Variants in STXBP5L observed in about 807,000 individuals in gnomAD.
STXBP5L encodes syntaxin binding protein 5L, also known as syntaxin-binding protein 5-like.
In STXBP5L, 65 loss-of-function variants were observed where a neutral mutation model predicts 144.5. That is an observed-to-expected ratio of 0.45 (90% CI 0.37 to 0.55). The LOEUF (loss-of-function observed/expected upper bound fraction) is 0.55. STXBP5L is among the 20% of genes least tolerant of loss of function. The probability of loss-of-function intolerance (pLI) is 0.00; values close to 1 mark genes in which losing one functional copy is unlikely to be tolerated. For synonymous variants in STXBP5L, 505 were observed against 469.6 expected (o/e 1.08, Z -0.97); for missense variants, 1,298 against 1,405.5 (o/e 0.92, Z 1.22).
intron 5 of STXBP5L, among the ~76,000 whole-genome samples, chr3:121,071,167 A>G (rs1303440457): frequency 1.3e-5 from 2 of 152,208 alleles, no homozygotes; most frequent in Non-Finnish European, 2.9e-5. Flanking sequence ...TATTACTAAT[A>G]TGATTAAGCT....
chr3:121,122,444 T>G (rs1045662962), intron 7 of STXBP5L, among the ~76,000 whole-genome samples: 2 of 151,218 alleles, frequency 1.3e-5, no homozygotes, highest in Non-Finnish European at 3.0e-5. Flanking sequence ...ATTTTAAAAT[T>G]TATTAAGAAA....
chr3:120,990,475 A>G (rs1294994098), intron 3 of STXBP5L, among the ~76,000 whole-genome samples: 5 of 152,136 alleles, frequency 3.3e-5, no homozygotes, highest in African/African-American at 1.2e-4. Flanking sequence ...TTCATATGGA[A>G]CCAAAAAAGA....
chr3:121,258,797 A>T (rs549088357), intron 17 of STXBP5L, among the ~76,000 whole-genome samples: 1 of 152,296 alleles, frequency 6.6e-6, no homozygotes, highest in South Asian at 2.1e-4. Flanking sequence ...AAAAGAAAAA[A>T]TTGAAATGAT....
intron 5 of STXBP5L, among the ~76,000 whole-genome samples, chr3:121,068,776 C>T (rs983609302): frequency 2.0e-5 from 3 of 152,094 alleles, no homozygotes; most frequent in Non-Finnish European, 4.4e-5. Context: ...TTTTTATCCT[C>T]ATTCCTTACT....
chr3:121,280,436 T>C (rs2051019931), intron 19 of STXBP5L, among the ~76,000 whole-genome samples: 1 of 151,898 alleles, frequency 6.6e-6, no homozygotes, highest in Admixed American at 6.6e-5. Flanking sequence ...ATGATGACCT[T>C]CCTGAAGGTA....
At chr3:121,093,185 T>C (rs1417844324) in intron 5 of STXBP5L, among the ~76,000 whole-genome samples, 1 of 152,256 alleles carries the variant, frequency 6.6e-6, no homozygotes, top group Non-Finnish European at 1.5e-5. Flanking sequence ...AGTATTTTAT[T>C]GAGGATTTTT....
intron 9 of STXBP5L, among the ~76,000 whole-genome samples, chr3:121,189,625 C>A (rs1418129980): frequency 6.6e-6 from 1 of 152,156 alleles, no homozygotes; most frequent in Non-Finnish European, 1.5e-5. Context: ...GTTACTGTAG[C>A]CTTGTAGTAT....
chr3:121,304,049 T>C (rs1363300678), intron 19 of STXBP5L, among the ~76,000 whole-genome samples: 1 of 148,798 alleles, frequency 6.7e-6, no homozygotes, highest in Admixed American at 6.7e-5. Flanking sequence ...ACGTTGAAAG[T>C]AAAAGAAGGG....
intron 9 of STXBP5L, among the ~76,000 whole-genome samples, chr3:121,189,488 T>C (rs917292190): frequency 6.6e-6 from 1 of 152,190 alleles, no homozygotes; most frequent in Admixed American, 6.5e-5. Flanking sequence ...AATCCTTTCC[T>C]CATTTCTTGC....
At chr3:121,308,194 C>T (rs1005699044) in intron 19 of STXBP5L, among the ~76,000 whole-genome samples, 1 of 152,166 alleles carries the variant, frequency 6.6e-6, no homozygotes, top group Non-Finnish European at 1.5e-5. Flanking sequence ...TGCAGCAAAC[C>T]ACCGTGGCAA....
intron 5 of STXBP5L, among the ~76,000 whole-genome samples, chr3:121,060,411 A>C (rs542532079): frequency 1.2e-4 from 19 of 152,314 alleles, no homozygotes; most frequent in Non-Finnish European, 2.5e-4. Context: ...GATATTCATC[A>C]GGGATATTGG....
intron 20 of STXBP5L, among the ~76,000 whole-genome samples, chr3:121,366,378 T>A (rs190931780): frequency 7.8e-4 from 118 of 152,164 alleles, no homozygotes; most frequent in Middle Eastern, 3.4e-3. Flanking sequence ...TAGAACTGTA[T>A]ATTTCTATTT....
At chr3:121,206,226 A>G (rs2108232614) in intron 10 of STXBP5L, among the ~76,000 whole-genome samples, 1 of 152,334 alleles carries the variant, frequency 6.6e-6, no homozygotes, top group South Asian at 2.1e-4. Flanking sequence ...ATGAACATTT[A>G]GACAAGTATT....
At chr3:121,135,906 T>A (rs2045233325) in intron 7 of STXBP5L, among the ~76,000 whole-genome samples, 1 of 152,174 alleles carries the variant, frequency 6.6e-6, no homozygotes, top group East Asian at 1.9e-4. Flanking sequence ...CCACTAATCC[T>A]CAGTGGCAGG....
intron 3 of STXBP5L, 74 bp from the exon 4 acceptor site, chr3:121,041,626 A>C: frequency 9.0e-7 from 1 of 1,106,456 alleles, no homozygotes. Context: ...TCTGTTGATC[A>C]ATAAGTTAGT....
At chr3:120,937,181 A>G (rs945660481) in intron 2 of STXBP5L, among the ~76,000 whole-genome samples, 1 of 152,128 alleles carries the variant, frequency 6.6e-6, no homozygotes. Flanking sequence ...ACTAGTTTCC[A>G]CTAGTTTTAA....
chr3:121,124,160 G>T (rs1030843771), intron 7 of STXBP5L, among the ~76,000 whole-genome samples: 3 of 151,704 alleles, frequency 2.0e-5, no homozygotes, highest in African/African-American at 7.3e-5. Context: ...GGTCTCCTAG[G>T]CTTAACCTTT....
chr3:121,157,682 G>T, intron 9 of STXBP5L, 55 bp downstream of exon 9: 1 of 1,554,152 alleles, frequency 6.4e-7, no homozygotes, highest in South Asian at 1.2e-5. Context: ...GCCTTGACTT[G>T]AAGTAAGAGA....
At chr3:121,307,005 G>C (rs549651823) in intron 19 of STXBP5L, among the ~76,000 whole-genome samples, 2 of 152,070 alleles carry the variant, frequency 1.3e-5, no homozygotes, top group South Asian at 2.1e-4. Context: ...GAAGGAGATA[G>C]TTAAAGAGAA....
Sources: allele counts gnomAD v4.1 joint callset (sites outside exome capture counted in the v4.1 genomes callset), GRCh38; gene constraint gnomAD v4.1.1; transcripts MANE v1.5; gene names NCBI Gene and HGNC (gene_info 2026-07-23, HGNC 2026-07-21).